ZFAT: variants seen among roughly 807,000 people sequenced by gnomAD.
ZFAT encodes zinc finger protein ZFAT.
A neutral mutation model predicts 117.7 loss-of-function variants in ZFAT; 64 were observed. The observed-to-expected ratio is 0.54, with a 90% CI of 0.44 to 0.67. The LOEUF (loss-of-function observed/expected upper bound fraction) is 0.67. ZFAT is among the 30% of genes least tolerant of loss of function. ZFAT has a pLI of 0.00. For missense variants in ZFAT, 1,433 were observed against 1,584.5 expected (o/e 0.90, Z 1.62); for synonymous variants, 679 against 615.0 (o/e 1.10, Z -1.54).
intron 1 of ZFAT, among the ~76,000 whole-genome samples, chr8:134,711,652 G>A (rs2131373287): frequency 6.6e-6 from 1 of 152,272 alleles, no homozygotes; most frequent in South Asian, 2.1e-4. Flanking sequence ...TTAAAAAAAA[G>A]CACGCCTGAT....
the ZFAT span, among the ~76,000 whole-genome samples, chr8:134,809,420 C>T: frequency 4.6e-5 from 7 of 151,958 alleles, no homozygotes; most frequent in Non-Finnish European, 7.4e-5. Context: ...CCTTGCCGTT[C>T]GGGTGACCAG....
chr8:134,495,795 T>C (rs540274424), intron 15 of ZFAT, among the ~76,000 whole-genome samples: 16 of 152,046 alleles, frequency 1.1e-4, no homozygotes, highest in Admixed American at 7.9e-4. Flanking sequence ...CCAGGCACAG[T>C]GGTTCATGCC....
At chr8:134,499,358 C>T (rs1684809964) in intron 15 of ZFAT, among the ~76,000 whole-genome samples, 1 of 148,742 alleles carries the variant, frequency 6.7e-6, no homozygotes, top group Non-Finnish European at 1.5e-5. Context: ...CTGCTGGTTA[C>T]ACACAGAGCC....
rs190499468 is a variant in ZFAT, at chr8:134,628,159, C to T, written c.448+9302G>A. ...GTTGTGGCATTCCATAGAGAAGGGA[C>T]AGATGACAGGATGGGGCCCCGCTGG... is the stretch of plus-strand genomic sequence containing the variant. On this transcript the variant is annotated intron_variant, in intron 3 of 15. Transcript: ENST00000377838. Among the ~76,000 whole-genome samples, 5 of 152,280 alleles carry T rather than the reference C, an allele frequency of 3.3e-5. No individual in the cohort carries two copies. In the East Asian group the frequency reaches 9.6e-4, roughly 29 times the overall value.
chr8:134,674,707 TC>T, intron 1 of ZFAT: 1 of 197,128 alleles, frequency 5.1e-6, no homozygotes, highest in South Asian at 6.6e-5. Flanking sequence ...GGGAGACACC[TC>T]CCAGTAGGGG....
At chr8:134,520,385 T>C (rs1820565828) in intron 13 of ZFAT, among the ~76,000 whole-genome samples, 2 of 152,132 alleles carry the variant, frequency 1.3e-5, no homozygotes, top group African/African-American at 4.8e-5. Flanking sequence ...AGAGAGATGG[T>C]TACTGGCTCT....
chr8:134,796,849 A>G, the ZFAT span: 1 of 152,190 alleles, frequency 6.6e-6, no homozygotes, highest in East Asian at 1.9e-4. Flanking sequence ...GTTTTAGTTT[A>G]ATCTGATATT....
intron 15 of ZFAT, among the ~76,000 whole-genome samples, chr8:134,503,946 G>A (rs1023594085): frequency 1.4e-5 from 2 of 140,136 alleles, no homozygotes; most frequent in Admixed American, 7.3e-5. Flanking sequence ...ACACGCACAC[G>A]AACACACACA....
chr8:134,525,231 C>A (rs1028924159), intron 12 of ZFAT, among the ~76,000 whole-genome samples: 4 of 152,212 alleles, frequency 2.6e-5, no homozygotes, highest in Admixed American at 1.3e-4. Context: ...GCCTTCTCAT[C>A]CTCTGTGTGG....
At chr8:134,704,689 C>G (rs28591971) in intron 1 of ZFAT, among the ~76,000 whole-genome samples, 4,512 of 152,210 alleles carry the variant, frequency 0.03, 225 homozygotes, top group African/African-American at 0.1. Flanking sequence ...ACAGACCAGA[C>G]AGTTCAGGAG....
At chr8:134,640,745 C>G (rs1378163061) in intron 2 of ZFAT, among the ~76,000 whole-genome samples, 1 of 152,172 alleles carries the variant, frequency 6.6e-6, no homozygotes, top group African/African-American at 2.4e-5. Flanking sequence ...ATCCATAATT[C>G]AGATCCTCAA....
chr8:134,516,137 G>C (rs529063661), intron 13 of ZFAT, among the ~76,000 whole-genome samples: 35 of 152,330 alleles, frequency 2.3e-4, no homozygotes, highest in Non-Finnish European at 4.1e-4. Flanking sequence ...GAAGACAGCA[G>C]GGTGTTTGCC....
the ZFAT span, among the ~76,000 whole-genome samples, chr8:134,725,169 G>A: frequency 8.5e-5 from 13 of 152,234 alleles, no homozygotes; most frequent in East Asian, 1.9e-4. Context: ...ACACTGTACC[G>A]CCCCATCCCA....
At chr8:134,588,449 A>G in intron 8 of ZFAT, 54 bp from the exon 9 acceptor site, 1 of 1,509,186 alleles carries the variant, frequency 6.6e-7, no homozygotes, top group Non-Finnish European at 8.9e-7. Context: ...GGGAAGTTAG[A>G]CATAAATAAA....
At chr8:134,749,153 C>A in the ZFAT span, among the ~76,000 whole-genome samples, 2 of 152,060 alleles carry the variant, frequency 1.3e-5, no homozygotes, top group Non-Finnish European at 2.9e-5. Context: ...TTACTATAAC[C>A]AATTTACAAC....
intron 10 of ZFAT, among the ~76,000 whole-genome samples, chr8:134,582,699 G>A (rs1032197912): frequency 1.3e-5 from 2 of 151,826 alleles, no homozygotes; most frequent in Non-Finnish European, 2.9e-5. Context: ...ATGAATCCCA[G>A]CCAAGTATTC....
Position 134,482,988 on chromosome 8 carries a change from T to G in ZFAT, c.3493-4267A>C, listed in dbSNP as rs144738111. ...GACGCTGCCCACACAGATGTCCACG[T>G]CACAAAAAGCTAACGTGTAGAGAGG... On this transcript the variant is annotated intron_variant, in intron 15 of 15. Coordinates refer to ENST00000377838, the MANE Select transcript of ZFAT (RefSeq NM_020863.4). Among the ~76,000 whole-genome samples, 831 of 152,284 alleles carry G rather than the reference T, an allele frequency of 5.5e-3. 7 individuals carry two copies. The highest frequency in any genetic ancestry group is 0.011 in the Admixed American group (169 of 15,294).
At chr8:134,632,161 C>T (rs563732129) in intron 3 of ZFAT, among the ~76,000 whole-genome samples, 4 of 152,280 alleles carry the variant, frequency 2.6e-5, no homozygotes, top group Admixed American at 6.5e-5. Context: ...TCCTCTTTCT[C>T]CTCAGCCTAC....
chr8:134,651,160 C>T (rs1216219869), intron 2 of ZFAT, among the ~76,000 whole-genome samples: 2 of 139,472 alleles, frequency 1.4e-5, no homozygotes, highest in Non-Finnish European at 3.1e-5. Flanking sequence ...TGACATATGA[C>T]CCAGCAATCC....
Sources: allele counts gnomAD v4.1 joint callset (sites outside exome capture counted in the v4.1 genomes callset), GRCh38; gene constraint gnomAD v4.1.1; transcripts MANE v1.5; gene names NCBI Gene and HGNC (gene_info 2026-07-23, HGNC 2026-07-21).